Variants in DHX34 observed in about 807,000 individuals in gnomAD.
DHX34 encodes the protein probable ATP-dependent RNA helicase DHX34.
A neutral mutation model predicts 111.1 loss-of-function variants in DHX34; 96 were observed. The observed-to-expected ratio is 0.86, with a 90% confidence interval of 0.73 to 1.02. The LOEUF is 1.02. Among genes scored for constraint, DHX34 ranks in the 50% least tolerant of loss-of-function variants. The probability of loss-of-function intolerance (pLI) is 0.00; values close to 1 mark genes in which losing one functional copy is unlikely to be tolerated. For missense variants in DHX34, 1,560 were observed against 1,579.9 expected (o/e 0.99, Z 0.21); for synonymous variants, 688 against 670.4 (o/e 1.03, Z -0.41).
At chr19:47,377,074 C>G in intron 12 of DHX34, 26 bp from the exon 13 acceptor site, 4 of 1,613,458 alleles carry the variant, frequency 2.5e-6, no homozygotes, top group Non-Finnish European at 3.4e-6. Flanking sequence ...CAGGGTGGGC[C>G]TGAGCGGTCC....
chr19:47,364,260 G>C (rs976605648), intron 6 of DHX34, among the ~76,000 whole-genome samples: 2 of 152,136 alleles, frequency 1.3e-5, no homozygotes, highest in Non-Finnish European at 2.9e-5. Flanking sequence ...TCGTGGCCAC[G>C]CCCAACCGTG....
At chr19:47,381,089 C>T (rs531919430) in intron 15 of DHX34, 97 bp downstream of exon 15, 41 of 1,560,470 alleles carry the variant, frequency 2.6e-5, no homozygotes, top group Middle Eastern at 1.7e-4. Flanking sequence ...AAGTGGGGCC[C>T]GTGGCCCTGA....
chr19:47,373,156 G>A (rs1261657968), intron 8 of DHX34, among the ~76,000 whole-genome samples: 3 of 152,228 alleles, frequency 2.0e-5, no homozygotes, highest in Non-Finnish European at 4.4e-5. Context: ...CTGAAGCACT[G>A]ATGAAAACCT....
chr19:47,375,666 T>C lies in DHX34; in HGVS notation c.2265T>C (p.Ala755=). The C allele has an allele frequency of 1.9e-6, 3 of 1,557,780 alleles. No homozygotes were observed. The highest frequency in any genetic ancestry group is 1.7e-6 in the Non-Finnish European group (2 of 1,155,022). The change falls in exon 10 of 17, where the codon GCT becomes GCC. Residue 755 remains alanine, a synonymous_variant. Coordinates refer to ENST00000328771, the MANE Select transcript of DHX34 (RefSeq NM_014681.6). The part of the protein sequence containing the change: ...QDGGSSDEDR[A]GPAPPGASDG... The stretch of plus-strand genomic sequence containing the variant: ...GCGGCTCCAGTGACGAGGACAGGGC[T>C]GGCCCAGCCCCCCCAGGGGCCAGTG...
chr19:47,360,207 C>T (rs567609368), intron 5 of DHX34, 137 bp downstream of exon 5: 1 of 734,706 alleles, frequency 1.4e-6, no homozygotes, highest in African/African-American at 1.8e-5. Context: ...AAAATGCTTG[C>T]TTGCAACCAG....
At chr19:47,380,263 AGT>A (rs1258211950) in intron 14 of DHX34, among the ~76,000 whole-genome samples, 3 of 152,254 alleles carry the variant, frequency 2.0e-5, no homozygotes, top group South Asian at 4.1e-4. Context: ...TCTTGCTAAC[AGT>A]AAAGGACAGG....
chr19:47,382,264 G>C lies in DHX34; in HGVS notation c.*151G>C. On this transcript the variant is annotated 3_prime_UTR_variant, in exon 17 of 17. Transcript: ENST00000328771. ...GCCTGGAGCACGGATTGTGAATAAA[G>C]CCTCACATGCTGATACACACTGTTA... The C allele has an allele frequency of 7.3e-7, 1 of 1,362,548 alleles. No individual in the cohort carries two copies. Among genetic ancestry groups the C allele is most frequent in the Non-Finnish European group, 9.7e-7 (1 of 1,030,398 alleles). The allele number at this position is 1,362,548 out of a possible 1,614,324, so 84.4% of individuals were successfully genotyped here. A position where few individuals can be genotyped will look rare whatever the true frequency, so the allele number is the denominator to read the frequency against.
chr19:47,351,296 A>G (rs924189717), intron 1 of DHX34, among the ~76,000 whole-genome samples: 4 of 144,542 alleles, frequency 2.8e-5, no homozygotes, highest in African/African-American at 1.0e-4. Context: ...CTCCTGCCTC[A>G]GCCTCCCGAG....
chr19:47,367,895 CAAAA>C (rs1226350533), intron 7 of DHX34, among the ~76,000 whole-genome samples: 2 of 46,168 alleles, frequency 4.3e-5, no homozygotes, highest in African/African-American at 1.7e-4. Flanking sequence ...GACTCCATCT[CAAAA>C]AAAAAAAAAA....
At chr19:47,373,477 C>T in intron 8 of DHX34, 122 bp from the exon 9 acceptor site, 2 of 1,463,122 alleles carry the variant, frequency 1.4e-6, no homozygotes, top group Non-Finnish European at 1.8e-6. Context: ...GGGCTGAGAC[C>T]TGGAAGCAGG....
At chr19:47,365,433 G>A (rs534033641) in intron 6 of DHX34, among the ~76,000 whole-genome samples, 50 of 152,160 alleles carry the variant, frequency 3.3e-4, no homozygotes, top group African/African-American at 1.2e-3. Context: ...TGTAATTTTA[G>A]TAGAGAGGGA....
chr19:47,358,262 G>A, intron 4 of DHX34, 142 bp downstream of exon 4: 1 of 1,428,724 alleles, frequency 7.0e-7, no homozygotes, highest in Non-Finnish European at 9.2e-7. Flanking sequence ...GGCAGAGCCA[G>A]GCTGCGAACC....
In DHX34 at chr19:47,381,245, C is replaced by T. The variant is rs952823403; in HGVS notation, c.3219C>T (p.Gly1073=). The change falls in exon 16 of 17, where the codon GGC becomes GGT. Residue 1073 remains glycine, a synonymous_variant. Coordinates refer to ENST00000328771, the MANE Select transcript of DHX34 (RefSeq NM_014681.6). ...CCTTCTGGACCTGCCCCCACTGTGG[C>T]CTGCATGCGCCCCTCACGCCCCTGG... The part of the protein sequence containing the change: ...LRTFWTCPHC[G]LHAPLTPLER... 5 of 1,614,110 alleles carry T rather than the reference C, an allele frequency of 3.1e-6. No individual in the cohort carries two copies. Among genetic ancestry groups the T allele is most frequent in the Non-Finnish European group, 4.2e-6 (5 of 1,179,966 alleles).
rs768910900 is a variant in DHX34 at position 47,375,539 on chromosome 19, A to G, written c.2138A>G (p.Gln713Arg). Reference sequence around the variant, plus strand: ...GTAGGGGACAGCTACAGTCGGTTGCAGCAGCGCCGGGAGCGCCGGGCCCTG... The same window carrying G: ...GTAGGGGACAGCTACAGTCGGTTGCGGCAGCGCCGGGAGCGCCGGGCCCTG... The part of the protein sequence containing the change: ...AQVGDSYSRL[Q>R]QRRERRALHQ... Residue 713 changes from glutamine to arginine, a missense_variant, in exon 10 of 17, where the codon CAG becomes CGG. By Grantham distance (43) the Gln-to-Arg change is conservative. Coordinates refer to ENST00000328771, the MANE Select transcript of DHX34 (RefSeq NM_014681.6). 5 of 1,558,494 alleles carry G rather than the reference A, an allele frequency of 3.2e-6. No individual in the cohort carries two copies. The highest frequency in any genetic ancestry group is 1.9e-5 in the Admixed American group (1 of 52,966).
rs748858620 is a variant in DHX34, at chr19:47,377,080, G to A, written c.2600-20G>A. On this transcript the variant is annotated intron_variant, in intron 12 of 16. Coordinates refer to ENST00000328771, the MANE Select transcript of DHX34 (RefSeq NM_014681.6). ...TGGGTGGGCCAGGGTGGGCCTGAGCGGTCCTCCTCAACCTTTCAGACGACA... is the reference window on the plus strand; with the variant it reads ...TGGGTGGGCCAGGGTGGGCCTGAGCAGTCCTCCTCAACCTTTCAGACGACA... 24 of 1,613,564 alleles carry A rather than the reference G, an allele frequency of 1.5e-5. No individual in the cohort carries two copies. Among genetic ancestry groups the A allele is most frequent in the African/African-American group, 5.3e-5 (4 of 74,932 alleles).
intron 3 of DHX34, 197 bp from the exon 4 acceptor site, chr19:47,357,669 A>G: frequency 1.2e-6 from 1 of 837,400 alleles, no homozygotes; most frequent in Non-Finnish European, 1.4e-6. Context: ...GCCCAATGAG[A>G]TGGTGGCATA....
rs1160290216 is a variant in DHX34, at chr19:47,354,949, C to T, written c.706-90C>T. 3.4e-5 allele frequency: 53 copies of T among 1,553,050 alleles called. 1 individual carries two copies. Among genetic ancestry groups the T allele is most frequent in the South Asian group, 2.3e-4 (19 of 81,708 alleles). On this transcript the variant is annotated intron_variant, in intron 2 of 16. Transcript: ENST00000328771. ...GATTACAGGCGTGAGCCACCGCACCCGGCCTGCTTAGATTTTCAATTTGGG... is the reference window on the plus strand; with the variant it reads ...GATTACAGGCGTGAGCCACCGCACCTGGCCTGCTTAGATTTTCAATTTGGG...
intron 2 of DHX34, 150 bp from the exon 3 acceptor site, chr19:47,354,889 G>A (rs1220824994): frequency 7.2e-7 from 1 of 1,395,182 alleles, no homozygotes; most frequent in African/African-American, 1.4e-5. Flanking sequence ...CCCTACCTCA[G>A]GTGATCCGCC....
At position 47,355,176 on chromosome 19, in the gene DHX34, C is replaced by T. The variant is rs776218178; in HGVS notation, c.843C>T (p.Val281=). ...ATGAGGTCCTGATTGTGGATGAAGT[C>T]CATGAGCGGCATCTCCACAACGATT... ...PQYEVLIVDE[V]HERHLHNDFL... is the part of the protein sequence containing the mutation. The change falls in exon 3 of 17, where the codon GTC becomes GTT. Residue 281 remains valine, a synonymous_variant. Coordinates refer to ENST00000328771, the MANE Select transcript of DHX34 (RefSeq NM_014681.6). The T allele has an allele frequency of 1.4e-5, 22 of 1,614,202 alleles. No homozygotes were observed. The highest frequency in any genetic ancestry group is 1.9e-5 in the Non-Finnish European group (22 of 1,180,040).
Sources: allele counts gnomAD v4.1 joint callset (sites outside exome capture counted in the v4.1 genomes callset), GRCh38; gene constraint gnomAD v4.1.1; transcripts MANE v1.5; gene names NCBI Gene and HGNC (gene_info 2026-07-23, HGNC 2026-07-21).